RUNX1: variants seen among roughly 807,000 people sequenced by gnomAD.
RUNX1 encodes the protein RUNX family transcription factor 1.
Under a neutral mutation model 42.8 loss-of-function variants are expected in RUNX1, and 19 were observed. That is an observed-to-expected ratio of 0.44 (90% CI 0.31 to 0.65). The LOEUF is 0.65. Among genes scored for constraint, RUNX1 ranks in the 30% least tolerant of loss-of-function variants. RUNX1 has a pLI of 0.07. For missense variants in RUNX1, 528 were observed against 672.0 expected, an observed-to-expected ratio of 0.79 and a Z score of 2.37; for synonymous variants, 271 against 289.4, an observed-to-expected ratio of 0.94 and a Z score of 0.64.
At position 35,012,632 on chromosome 21, in the gene RUNX1, C is replaced by T. The variant is rs548619922; in HGVS notation, c.58+36210G>A. On this transcript the variant is annotated intron_variant, in intron 2 of 8. Transcript: ENST00000675419. ...GTTTGACATCTATATGGACATATGA[C>T]ATAGGACATATGTCCACATCTATAT... Among the ~76,000 whole-genome samples, 5 of 152,240 alleles carry T rather than the reference C, an allele frequency of 3.3e-5. No individual in the cohort carries two copies. In the East Asian group the frequency reaches 9.6e-4, roughly 29 times the overall value.
At chr21:34,798,701 C>T (rs2056565866) in intron 8 of RUNX1, among the ~76,000 whole-genome samples, 1 of 152,080 alleles carries the variant, frequency 6.6e-6, no homozygotes, top group South Asian at 2.1e-4. Context: ...ATTTACATAG[C>T]ATTTACATTT....
At chr21:34,845,182 T>C (rs559597524) in intron 6 of RUNX1, among the ~76,000 whole-genome samples, 1 of 152,238 alleles carries the variant, frequency 6.6e-6, no homozygotes, top group Non-Finnish European at 1.5e-5. Flanking sequence ...GTGATGAAGA[T>C]GCTGGTCCCA....
intron 5 of RUNX1, among the ~76,000 whole-genome samples, chr21:34,877,362 A>G (rs10470172): frequency 0.013 from 2,025 of 152,180 alleles, 38 homozygotes; most frequent in African/African-American, 0.046. Flanking sequence ...GTCCCAGTCC[A>G]TTTGGCTAAA....
intron 2 of RUNX1, among the ~76,000 whole-genome samples, chr21:34,894,209 AC>A (rs1233362401): frequency 6.6e-6 from 1 of 152,164 alleles, no homozygotes; most frequent in African/African-American, 2.4e-5. Flanking sequence ...CAGACAGCAC[AC>A]CCAGCGGAAC....
chr21:35,020,101 T>C (rs142823785), intron 2 of RUNX1, among the ~76,000 whole-genome samples: 2 of 152,170 alleles, frequency 1.3e-5, no homozygotes, highest in African/African-American at 2.4e-5. Context: ...ATACTGTATA[T>C]ATAGCAATAA....
intron 2 of RUNX1, among the ~76,000 whole-genome samples, chr21:34,903,706 G>A (rs889265674): frequency 6.6e-6 from 1 of 152,046 alleles, no homozygotes; most frequent in African/African-American, 2.4e-5. Flanking sequence ...ATAGGCACTC[G>A]GATAAGATGG....
At chr21:34,971,344 G>T (rs1475719568) in intron 2 of RUNX1, among the ~76,000 whole-genome samples, 1 of 152,086 alleles carries the variant, frequency 6.6e-6, no homozygotes, top group Non-Finnish European at 1.5e-5. Flanking sequence ...AGATTGATAA[G>T]GAGAATCCTG....
At chr21:34,990,968 C>T (rs918134576) in intron 2 of RUNX1, among the ~76,000 whole-genome samples, 1 of 152,166 alleles carries the variant, frequency 6.6e-6, no homozygotes, top group African/African-American at 2.4e-5. Context: ...ACATCTGTAA[C>T]TCTGTTCATG....
chr21:35,046,292 G>A (rs1185302512), intron 2 of RUNX1, among the ~76,000 whole-genome samples: 1 of 152,198 alleles, frequency 6.6e-6, no homozygotes, highest in Non-Finnish European at 1.5e-5. Context: ...GGGAACAATG[G>A]TTTGCTTGGC....
intron 2 of RUNX1, among the ~76,000 whole-genome samples, chr21:34,945,904 C>T (rs949098401): frequency 6.6e-6 from 1 of 152,318 alleles, no homozygotes; most frequent in East Asian, 1.9e-4. Context: ...GGAAGCCTCA[C>T]CTCATGATGA....
intron 2 of RUNX1, among the ~76,000 whole-genome samples, chr21:35,030,951 A>G (rs1475955851): frequency 6.6e-6 from 1 of 152,262 alleles, no homozygotes; most frequent in Non-Finnish European, 1.5e-5. Flanking sequence ...AAAGGTACAC[A>G]CATGTCCAGT....
chr21:35,010,988 T>C (rs1220610066), intron 2 of RUNX1, among the ~76,000 whole-genome samples: 2 of 152,216 alleles, frequency 1.3e-5, no homozygotes, highest in African/African-American at 4.8e-5. Flanking sequence ...TTTCAGTGAC[T>C]GAGAATTACT....
At chr21:34,930,695 AC>A (rs1186017079) in intron 2 of RUNX1, among the ~76,000 whole-genome samples, 2 of 109,650 alleles carry the variant, frequency 1.8e-5, no homozygotes, top group African/African-American at 7.5e-5. Context: ...ACACTGCCAC[AC>A]ACACACACTC....
chr21:34,878,611 T>TA (rs2057851435), intron 5 of RUNX1, among the ~76,000 whole-genome samples: 2 of 152,126 alleles, frequency 1.3e-5, no homozygotes, highest in African/African-American at 4.8e-5. Flanking sequence ...TTTTGGGGTT[T>TA]ATGCAAACTC....
At chr21:35,041,153 T>A (rs992883130) in intron 2 of RUNX1, among the ~76,000 whole-genome samples, 3 of 152,214 alleles carry the variant, frequency 2.0e-5, no homozygotes, top group African/African-American at 7.2e-5. Flanking sequence ...TCACAGTCTC[T>A]ACGGAGGGTA....
At chr21:34,860,103 T>C (rs2057551047) in intron 5 of RUNX1, among the ~76,000 whole-genome samples, 1 of 152,244 alleles carries the variant, frequency 6.6e-6, no homozygotes, top group South Asian at 2.1e-4. Flanking sequence ...TTAAATATTA[T>C]TTGAAAATGC....
At chr21:34,917,767 C>T (rs2058322525) in intron 2 of RUNX1, among the ~76,000 whole-genome samples, 1 of 152,088 alleles carries the variant, frequency 6.6e-6, no homozygotes, top group Non-Finnish European at 1.5e-5. Context: ...CACTGGAAGT[C>T]AGAATCAATT....
chr21:34,959,429 A>G (rs1369972473), intron 2 of RUNX1, among the ~76,000 whole-genome samples: 4 of 152,152 alleles, frequency 2.6e-5, no homozygotes, highest in Admixed American at 2.6e-4. Context: ...TACACAAGCT[A>G]ATACTAAGGC....
chr21:34,791,148 T>C lies in RUNX1; in HGVS notation c.*987A>G, dbSNP rs2056428660. 1 of 233,672 alleles carries C rather than the reference T, an allele frequency of 4.3e-6. No homozygotes were observed. Among genetic ancestry groups the C allele is most frequent in the Non-Finnish European group, 8.5e-6 (1 of 118,016 alleles). The allele number at this position is 233,672 out of a possible 1,614,324, so 14.5% of individuals were successfully genotyped here. A position where few individuals can be genotyped will look rare whatever the true frequency, so the allele number is the denominator to read the frequency against. On this transcript the variant is annotated 3_prime_UTR_variant, in exon 9 of 9. Transcript: ENST00000675419. ...GTTGCTGCGTGAGCTACTCACTTGT[T>C]TGATTAACATGAAAGGGAGTTTAAT...
Sources: gnomAD v4.1 joint callset for allele counts (sites outside exome capture counted in the v4.1 genomes callset) on GRCh38, gnomAD v4.1.1 for gene constraint, MANE v1.5 for transcripts, NCBI Gene and HGNC (gene_info 2026-07-23, HGNC 2026-07-21) for gene names.